Variants in INTS3 observed in about 807,000 individuals in gnomAD.
INTS3 encodes SOSS complex subunit A.
In INTS3, 34 loss-of-function variants were observed where a neutral mutation model predicts 146.3. The ratio of observed to expected loss-of-function variants is 0.23; its 90% CI spans 0.18 to 0.31. The LOEUF (loss-of-function observed/expected upper bound fraction) is 0.31. Ranked by LOEUF, INTS3 falls within the 10% of genes least tolerant of loss-of-function variation. The pLI is 1.00. For synonymous variants in INTS3, 475 were observed against 494.9 expected (o/e 0.96, Z 0.53); for missense variants, 757 against 1,304.2 (o/e 0.58, Z 6.46).
chr1:153,759,152 G>C (rs1320876042), intron 10 of INTS3, among the ~76,000 whole-genome samples: 1 of 151,606 alleles, frequency 6.6e-6, no homozygotes, highest in Non-Finnish European at 1.5e-5. Context: ...AGGTGAGGTG[G>C]TGCGTGCCTG....
chr1:153,741,163 TA>T (rs573605465), intron 2 of INTS3, 121 bp from the exon 3 acceptor site: 14 of 761,542 alleles, frequency 1.8e-5, no homozygotes, highest in Non-Finnish European at 3.2e-5. Flanking sequence ...TCATCAGATT[TA>T]AAAGTTGATT....
At chr1:153,771,044 C>G (rs775700891) in intron 25 of INTS3, among the ~76,000 whole-genome samples, 1 of 152,186 alleles carries the variant, frequency 6.6e-6, no homozygotes, top group South Asian at 2.1e-4. Flanking sequence ...CGCGCCCCCC[C>G]CACCGCCCCA....
At chr1:153,745,719 C>T (rs1016293878) in intron 3 of INTS3, among the ~76,000 whole-genome samples, 2 of 151,812 alleles carry the variant, frequency 1.3e-5, no homozygotes, top group African/African-American at 2.4e-5. Flanking sequence ...TTAGCATGCC[C>T]TCCCTTACCT....
chr1:153,747,099 A>G, intron 4 of INTS3, 29 bp downstream of exon 4: 1 of 1,513,374 alleles, frequency 6.6e-7, no homozygotes. Context: ...GACAAGATCC[A>G]GCTCAAAGAG....
intron 10 of INTS3, 150 bp from the exon 11 acceptor site, chr1:153,759,376 C>G: frequency 1.4e-6 from 1 of 694,542 alleles, no homozygotes; most frequent in Middle Eastern, 3.1e-4. Context: ...ATACACAACA[C>G]AAGGGGGGTT....
At chr1:153,770,640 G>A in intron 24 of INTS3, 45 bp from the exon 25 acceptor site, 1 of 1,550,036 alleles carries the variant, frequency 6.5e-7, no homozygotes, top group Non-Finnish European at 8.9e-7. Context: ...ATTCCATCCT[G>A]GAATCATACC....
At chr1:153,758,186 GA>G (rs1297264743) in intron 10 of INTS3, among the ~76,000 whole-genome samples, 1 of 152,202 alleles carries the variant, frequency 6.6e-6, no homozygotes, top group Non-Finnish European at 1.5e-5. Flanking sequence ...ATCTGCAGTG[GA>G]GGCATTTCCT....
intron 1 of INTS3, among the ~76,000 whole-genome samples, chr1:153,739,641 G>A (rs1671443719): frequency 6.7e-6 from 1 of 149,784 alleles, no homozygotes; most frequent in Non-Finnish European, 1.5e-5. Context: ...GCTAATTTTT[G>A]TATTTTTAGT....
intron 29 of INTS3, 40 bp from the exon 30 acceptor site, chr1:153,773,153 C>CA (rs1278050688): frequency 2.2e-5 from 36 of 1,613,438 alleles, no homozygotes; most frequent in Non-Finnish European, 3.0e-5. Flanking sequence ...AGCAGCTGCC[C>CA]AGGCTGTTAA....
intron 11 of INTS3, chr1:153,759,847 AG>A: frequency 1.8e-6 from 1 of 560,376 alleles, no homozygotes; most frequent in South Asian, 2.4e-5. Context: ...GGTCTTCAGG[AG>A]GGGAGGGCAT....
chr1:153,768,084 C>G (rs892543062), intron 21 of INTS3, among the ~76,000 whole-genome samples: 1 of 152,178 alleles, frequency 6.6e-6, no homozygotes, highest in Non-Finnish European at 1.5e-5. Context: ...CTTGGCTTCT[C>G]AGATTGGGCC....
intron 10 of INTS3, 87 bp from the exon 11 acceptor site, chr1:153,759,439 G>A: frequency 1.1e-6 from 1 of 873,548 alleles, no homozygotes. Context: ...AAACAGCCAA[G>A]TGGGGCCTGG....
intron 6 of INTS3, among the ~76,000 whole-genome samples, chr1:153,750,077 C>T (rs986676316): frequency 6.6e-6 from 1 of 152,302 alleles, no homozygotes. Flanking sequence ...GGAAACGTTC[C>T]CCAGTAACCT....
At chr1:153,750,165 C>T (rs936728709) in intron 6 of INTS3, among the ~76,000 whole-genome samples, 1 of 152,226 alleles carries the variant, frequency 6.6e-6, no homozygotes, top group African/African-American at 2.4e-5. Flanking sequence ...TTTCCGGAAT[C>T]AGGATGTGGC....
At chr1:153,770,046 T>A in intron 23 of INTS3, 152 bp from the exon 24 acceptor site, 1 of 603,164 alleles carries the variant, frequency 1.7e-6, no homozygotes, top group Non-Finnish European at 2.9e-6. Flanking sequence ...GTGCTGGTAG[T>A]CAGTGGATTG....
rs772538833 is a variant in INTS3 at position 153,773,392 on chromosome 1, G to A, written c.*122G>A. 1.8e-5 allele frequency: 16 copies of A among 907,430 alleles called. No homozygotes were observed. The highest frequency in any genetic ancestry group is 1.7e-4 in the Admixed American group (8 of 47,680). 56.2% of individuals were successfully genotyped at this position (907,430 alleles called of 1,614,324 possible). On this transcript the variant is annotated 3_prime_UTR_variant, in exon 30 of 30. Transcript: ENST00000318967. ...CCTTGCTGCATCCCCAAGCTCCCCC[G>A]GTGGAAGGAGGAGCTTTCTCCTCTG... is the stretch of plus-strand genomic sequence containing the variant.
rs1342321413 is a variant in INTS3 at position 153,762,744 on chromosome 1, A to G, written c.1533A>G (p.Pro511=). ...SPPVEVKIEE[P]VSMEMDNHMS... is the part of the protein sequence containing the mutation. Reference sequence around the variant, plus strand: ...ACTCCCAAGTCAAAATTGAGGAGCCAGTTTCCATGGAGATGGACAACCATA... The same window carrying G: ...ACTCCCAAGTCAAAATTGAGGAGCCGGTTTCCATGGAGATGGACAACCATA... Residue 511 remains proline, a synonymous_variant, in exon 15 of 30, where the codon CCA becomes CCG. Coordinates refer to ENST00000318967, the MANE Select transcript of INTS3 (RefSeq NM_023015.5). The G allele has an allele frequency of 3.7e-6, 6 of 1,614,116 alleles. No homozygotes were observed. Among genetic ancestry groups the G allele is most frequent in the African/African-American group, 1.3e-5 (1 of 74,940 alleles).
At chr1:153,769,062 C>A in intron 22 of INTS3, 101 bp downstream of exon 22, 1 of 916,572 alleles carries the variant, frequency 1.1e-6, no homozygotes, top group East Asian at 2.5e-5. Context: ...GAGCCCATGC[C>A]TCCCAGGCAC....
At chr1:153,748,796 G>A (rs1479977004) in intron 6 of INTS3, 41 bp downstream of exon 6, 1 of 1,494,390 alleles carries the variant, frequency 6.7e-7, no homozygotes, top group South Asian at 1.1e-5. Flanking sequence ...GCCAGATAAT[G>A]GCCATTAGGA....
Sources: allele counts gnomAD v4.1 joint callset (sites outside exome capture counted in the v4.1 genomes callset), GRCh38; gene constraint gnomAD v4.1.1; transcripts MANE v1.5; gene names NCBI Gene and HGNC (gene_info 2026-07-23, HGNC 2026-07-21).